Variants in TMEM117 observed in about 807,000 individuals in gnomAD.
TMEM117 encodes the protein transmembrane protein 117.
TMEM117 carries 27 observed loss-of-function variants against 52.4 expected under a neutral mutation model. The ratio of observed to expected loss-of-function variants is 0.51; its 90% CI spans 0.38 to 0.71. TMEM117 has a LOEUF of 0.71. Among genes scored for constraint, TMEM117 ranks in the 30% least tolerant of loss-of-function variants. The pLI, the probability that TMEM117 is intolerant of heterozygous loss-of-function variation, is 0.00. For synonymous variants in TMEM117, 215 were observed against 206.3 expected (o/e 1.04, Z -0.36); for missense variants, 556 against 630.5 (o/e 0.88, Z 1.26).
chr12:43,795,869 G>A, the TMEM117 span: 5 of 994,074 alleles, frequency 5.0e-6, no homozygotes, highest in Non-Finnish European at 7.4e-6. Flanking sequence ...GCAGAATCAA[G>A]GACCATATGT....
intron 3 of TMEM117, among the ~76,000 whole-genome samples, chr12:43,950,920 G>C (rs1256344227): frequency 1.3e-5 from 2 of 152,212 alleles, no homozygotes; most frequent in Non-Finnish European, 2.9e-5. Context: ...ACAGAAGGCA[G>C]ATGGTTTCTG....
rs533597389 is a variant in TMEM117 at position 44,068,725 on chromosome 12, A to G, written c.411-74800A>G. ...GATATAATAATAATGATAAAGTTTA[A>G]AATATTGTGACAGTTACCAAAATGT... On this transcript the variant is annotated intron_variant, in intron 3 of 7. Coordinates refer to ENST00000266534, the MANE Select transcript of TMEM117 (RefSeq NM_032256.3). 7.9e-5 allele frequency among the ~76,000 whole-genome samples: 12 copies of G among 152,338 alleles called. 1 individual carries two copies. The South Asian group carries it at 2.5e-3, about 32-fold the overall frequency.
chr12:44,196,922 C>T (rs913155602), intron 4 of TMEM117, among the ~76,000 whole-genome samples: 3 of 152,204 alleles, frequency 2.0e-5, no homozygotes, highest in African/African-American at 7.2e-5. Flanking sequence ...CTTGGACTTG[C>T]CATTTCCTAA....
chr12:44,186,251 C>T (rs943405712), intron 4 of TMEM117, among the ~76,000 whole-genome samples: 24 of 152,188 alleles, frequency 1.6e-4, no homozygotes, highest in African/African-American at 5.3e-4. Context: ...ATACTGACAG[C>T]TCAGGAACTC....
At position 43,882,026 on chromosome 12, in the gene TMEM117, C is replaced by T. The variant is rs748768465; in HGVS notation, c.277+37098C>T. ...GGCGGAGCTTGCAGTGAGCCCAGAT[C>T]GAGCCACTGCACTCCAGCCTGGGAG... On this transcript the variant is annotated intron_variant, in intron 2 of 7. Transcript: ENST00000266534. Among the ~76,000 whole-genome samples, 15 of 151,446 alleles carry T rather than the reference C, an allele frequency of 9.9e-5. No homozygotes were observed. The South Asian group carries it at 2.1e-3, about 21-fold the overall frequency.
At chr12:44,135,188 GA>G (rs1303001114) in intron 3 of TMEM117, among the ~76,000 whole-genome samples, 2 of 152,064 alleles carry the variant, frequency 1.3e-5, no homozygotes, top group Non-Finnish European at 2.9e-5. Context: ...TAAATTACCA[GA>G]AAAGGAAACA....
At chr12:43,924,551 G>A (rs768305428) in intron 2 of TMEM117, among the ~76,000 whole-genome samples, 14 of 152,038 alleles carry the variant, frequency 9.2e-5, no homozygotes, top group African/African-American at 2.9e-4. Context: ...TTTCACAAAT[G>A]TTCTTTTGCT....
At chr12:43,866,240 A>G (rs530347349) in intron 2 of TMEM117, among the ~76,000 whole-genome samples, 2 of 151,888 alleles carry the variant, frequency 1.3e-5, no homozygotes, top group East Asian at 3.9e-4. Flanking sequence ...GGAGGCCAGA[A>G]GATATCTTTA....
intron 3 of TMEM117, among the ~76,000 whole-genome samples, chr12:44,117,857 G>A (rs536957714): frequency 2.6e-5 from 4 of 152,062 alleles, no homozygotes; most frequent in Non-Finnish European, 2.9e-5. Flanking sequence ...GATCCTACCA[G>A]TAAAACTCCT....
rs1196875213 is a variant in TMEM117, at chr12:44,270,952, A to C, written c.609-28628A>C. The stretch of plus-strand genomic sequence containing the variant: ...TTATGTTAATTCTGTTTTAATTCAC[A>C]TTAAACAATACATTAAAAAGATCAC... On this transcript the variant is annotated intron_variant, in intron 5 of 7. Coordinates refer to ENST00000266534, the MANE Select transcript of TMEM117 (RefSeq NM_032256.3). Among the ~76,000 whole-genome samples the C allele has an allele frequency of 5.9e-5, 9 of 152,134 alleles. No individual in the cohort carries two copies. The East Asian group carries it at 1.7e-3, about 29-fold the overall frequency.
At chr12:43,938,542 G>T (rs1188109085) in intron 2 of TMEM117, among the ~76,000 whole-genome samples, 1 of 152,194 alleles carries the variant, frequency 6.6e-6, no homozygotes, top group South Asian at 2.1e-4. Context: ...GCTAGGATAA[G>T]ACGCCACACT....
At chr12:43,824,661 C>T in the TMEM117 span, among the ~76,000 whole-genome samples, 5 of 152,282 alleles carry the variant, frequency 3.3e-5, no homozygotes, top group East Asian at 1.9e-4. Context: ...TAGGGCCGGG[C>T]GCAGTGGCTC....
chr12:44,194,250 A>G (rs755062531), intron 4 of TMEM117, among the ~76,000 whole-genome samples: 3 of 152,222 alleles, frequency 2.0e-5, no homozygotes, highest in Non-Finnish European at 4.4e-5. Flanking sequence ...TTAAACAGCT[A>G]CCATAGTGAT....
At chr12:44,033,909 T>G (rs1000899297) in intron 3 of TMEM117, among the ~76,000 whole-genome samples, 1 of 152,210 alleles carries the variant, frequency 6.6e-6, no homozygotes, top group Admixed American at 6.5e-5. Context: ...CAGAGCAGAA[T>G]CAAAGACCAT....
At chr12:44,079,843 T>A (rs1266196015) in intron 3 of TMEM117, among the ~76,000 whole-genome samples, 1 of 151,460 alleles carries the variant, frequency 6.6e-6, no homozygotes, top group Non-Finnish European at 1.5e-5. Flanking sequence ...TGGTGAAACC[T>A]CATCTCTACT....
chr12:44,288,045 A>G (rs1360830632), intron 5 of TMEM117, among the ~76,000 whole-genome samples: 1 of 152,156 alleles, frequency 6.6e-6, no homozygotes, highest in African/African-American at 2.4e-5. Flanking sequence ...TTTTTATATG[A>G]CCTAACTAAC....
intron 2 of TMEM117, among the ~76,000 whole-genome samples, chr12:43,916,705 G>C (rs1038762643): frequency 2.0e-5 from 3 of 152,170 alleles, no homozygotes; most frequent in Non-Finnish European, 4.4e-5. Context: ...AAACTGATGA[G>C]TCCTGATGGT....
At chr12:43,871,000 G>C (rs1228472395) in intron 2 of TMEM117, among the ~76,000 whole-genome samples, 1 of 152,064 alleles carries the variant, frequency 6.6e-6, no homozygotes, top group African/African-American at 2.4e-5. Flanking sequence ...GGCCAGGCTG[G>C]TCTCGAACTC....
intron 5 of TMEM117, among the ~76,000 whole-genome samples, chr12:44,234,753 A>C (rs1949973970): frequency 6.6e-6 from 1 of 151,458 alleles, no homozygotes. Flanking sequence ...ACATATCAGC[A>C]TTGTTTACTT....
Sources: allele counts gnomAD v4.1 joint callset (sites outside exome capture counted in the v4.1 genomes callset), GRCh38; gene constraint gnomAD v4.1.1; transcripts MANE v1.5; gene names NCBI Gene and HGNC (gene_info 2026-07-23, HGNC 2026-07-21).